The following TAOK3 variants were observed in gnomAD, a reference collection of about 807,000 sequenced individuals.
The protein encoded by TAOK3 is TAO kinase 3.
A neutral mutation model predicts 120.4 loss-of-function variants in TAOK3; 40 were observed. That is an observed-to-expected ratio of 0.33 (90% CI 0.26 to 0.43). The LOEUF is 0.43. Ranked by LOEUF, TAOK3 falls within the 20% of genes least tolerant of loss-of-function variation. The pLI is 1.00. For synonymous variants in TAOK3, 355 were observed against 387.5 expected, an observed-to-expected ratio of 0.92 and a Z score of 0.99; for missense variants, 821 against 1,112.1, an observed-to-expected ratio of 0.74 and a Z score of 3.72.
chr12:118,189,529 G>GACAC (rs1262640332), intron 14 of TAOK3, among the ~76,000 whole-genome samples: 128 of 83,314 alleles, frequency 1.5e-3, no homozygotes, highest in Non-Finnish European at 2.5e-3. Context: ...AACACACACA[G>GACAC]ACACAGACAC....
intron 13 of TAOK3, among the ~76,000 whole-genome samples, chr12:118,193,052 T>TG (rs1565927652): frequency 6.9e-6 from 1 of 144,416 alleles, no homozygotes; most frequent in East Asian, 2.0e-4. Flanking sequence ...CGTTGTTGTT[T>TG]TTTTTTTTTT....
At chr12:118,163,539 C>T (rs1354129161) in intron 17 of TAOK3, among the ~76,000 whole-genome samples, 1 of 150,138 alleles carries the variant, frequency 6.7e-6, no homozygotes, top group African/African-American at 2.5e-5. Context: ...TCTCAACCTC[C>T]CAAAATGCTG....
At chr12:118,218,172 A>G (rs2039033730) in intron 9 of TAOK3, among the ~76,000 whole-genome samples, 1 of 151,914 alleles carries the variant, frequency 6.6e-6, no homozygotes, top group Admixed American at 6.6e-5. Context: ...CCAAACAGAT[A>G]CTGGTATTAC....
At chr12:118,338,786 CAAAAAAAAAAAAAAAAAA>C (rs71069438) in intron 1 of TAOK3, among the ~76,000 whole-genome samples, 9 of 49,858 alleles carry the variant, frequency 1.8e-4, no homozygotes, top group African/African-American at 5.3e-4. Flanking sequence ...GACTCCGTCT[CAAAAAAAAAAAAAAAAAA>C]AAAAAAAAAA....
chr12:118,360,422 G>T (rs2045555702), intron 1 of TAOK3, among the ~76,000 whole-genome samples: 3 of 151,402 alleles, frequency 2.0e-5, no homozygotes, highest in African/African-American at 4.9e-5. Context: ...AAAAAAATTA[G>T]CCGGGCATGG....
intron 1 of TAOK3, chr12:118,359,246 A>C (rs908145402): frequency 2.0e-5 from 3 of 152,214 alleles, no homozygotes; most frequent in Non-Finnish European, 4.4e-5. Flanking sequence ...GAACTCTCTA[A>C]AAATTTTTCC....
intron 1 of TAOK3, among the ~76,000 whole-genome samples, chr12:118,287,760 C>G (rs1007638775): frequency 1.3e-5 from 2 of 152,124 alleles, no homozygotes; most frequent in African/African-American, 4.8e-5. Context: ...CACAGACACA[C>G]AACATACTCT....
intron 2 of TAOK3, among the ~76,000 whole-genome samples, chr12:118,257,781 T>C (rs1403667802): frequency 6.6e-6 from 1 of 152,192 alleles, no homozygotes; most frequent in Non-Finnish European, 1.5e-5. Flanking sequence ...AGTTCACTAG[T>C]ATACACAGGT....
At chr12:118,166,814 G>GTGTA (rs1555210445) in intron 17 of TAOK3, among the ~76,000 whole-genome samples, 36 of 139,062 alleles carry the variant, frequency 2.6e-4, no homozygotes, top group East Asian at 8.2e-4. Flanking sequence ...GTGTGTGTGT[G>GTGTA]TATATATATA....
chr12:118,165,035 G>C (rs542983956), intron 17 of TAOK3, among the ~76,000 whole-genome samples: 1 of 152,070 alleles, frequency 6.6e-6, no homozygotes, highest in Non-Finnish European at 1.5e-5. Flanking sequence ...CCCCCTCAGC[G>C]ACCTTATAAG....
At chr12:118,240,174 T>C (rs2040185268) in intron 5 of TAOK3, among the ~76,000 whole-genome samples, 1 of 151,106 alleles carries the variant, frequency 6.6e-6, no homozygotes, top group Admixed American at 6.6e-5. Context: ...CCTCTTTCTT[T>C]ACTCTTTTTT....
intron 1 of TAOK3, among the ~76,000 whole-genome samples, chr12:118,328,775 A>G (rs1023829508): frequency 6.6e-6 from 1 of 152,220 alleles, no homozygotes; most frequent in African/African-American, 2.4e-5. Flanking sequence ...GAAACTTTCC[A>G]CTTGTATAAA....
At chr12:118,307,231 C>T (rs370453279) in intron 1 of TAOK3, among the ~76,000 whole-genome samples, 1 of 151,830 alleles carries the variant, frequency 6.6e-6, no homozygotes, top group South Asian at 2.1e-4. Context: ...TTCCCCCCCC[C>T]ATCTCTGGAG....
intron 9 of TAOK3, among the ~76,000 whole-genome samples, chr12:118,224,546 G>A (rs1207114262): frequency 2.6e-5 from 4 of 152,178 alleles, no homozygotes; most frequent in African/African-American, 7.2e-5. Flanking sequence ...CTAAATGCCT[G>A]TAGTTTAAAC....
At chr12:118,259,245 C>T (rs533299418) in intron 2 of TAOK3, among the ~76,000 whole-genome samples, 5 of 152,192 alleles carry the variant, frequency 3.3e-5, no homozygotes, top group African/African-American at 1.2e-4. Flanking sequence ...CCACCGGGAA[C>T]AATTAAAACA....
At chr12:118,272,736 C>T (rs188854096) in intron 1 of TAOK3, among the ~76,000 whole-genome samples, 22 of 151,374 alleles carry the variant, frequency 1.5e-4, no homozygotes, top group African/African-American at 3.6e-4. Context: ...TTTGGGAGAC[C>T]GAGGTGGGAG....
At chr12:118,341,940 T>C (rs2044636689) in intron 1 of TAOK3, among the ~76,000 whole-genome samples, 1 of 152,176 alleles carries the variant, frequency 6.6e-6, no homozygotes, top group Admixed American at 6.5e-5. Flanking sequence ...GGAGGATGGC[T>C]TGAGCCCAGG....
chr12:118,353,685 C>T (rs1205798445), intron 1 of TAOK3, among the ~76,000 whole-genome samples: 1 of 152,064 alleles, frequency 6.6e-6, no homozygotes, highest in Non-Finnish European at 1.5e-5. Flanking sequence ...GGGAAAGGTG[C>T]ACGAGGTGCA....
intron 9 of TAOK3, among the ~76,000 whole-genome samples, chr12:118,214,631 C>T (rs1014640086): frequency 2.0e-5 from 3 of 148,146 alleles, no homozygotes; most frequent in Non-Finnish European, 3.0e-5. Context: ...GGCTGGAGTA[C>T]AGTGGCACGA....
Sources: allele counts gnomAD v4.1 joint callset (sites outside exome capture counted in the v4.1 genomes callset), GRCh38; gene constraint gnomAD v4.1.1; transcripts MANE v1.5; gene names NCBI Gene and HGNC (gene_info 2026-07-23, HGNC 2026-07-21).